Variants in XXYLT1 observed in about 807,000 individuals in gnomAD.
XXYLT1 encodes xyloside xylosyltransferase 1, also known as UDP-xylose:alpha-xyloside alpha-1,3-xylosyltransferase.
Under a neutral mutation model 28.9 loss-of-function variants are expected in XXYLT1, and 20 were observed. The observed-to-expected ratio is 0.69, with a 90% CI of 0.49 to 1.00. The LOEUF is 1.00. XXYLT1 is among the 50% of genes least tolerant of loss of function. The probability of loss-of-function intolerance (pLI) is 0.00; values close to 1 mark genes in which losing one functional copy is unlikely to be tolerated. For synonymous variants in XXYLT1, 257 were observed against 253.8 expected, an observed-to-expected ratio of 1.01 and a Z score of -0.12; for missense variants, 542 against 560.1, an observed-to-expected ratio of 0.97 and a Z score of 0.33.
intron 1 of XXYLT1, among the ~76,000 whole-genome samples, chr3:195,235,558 A>G (rs2108814883): frequency 6.6e-6 from 1 of 152,102 alleles, no homozygotes; most frequent in South Asian, 2.1e-4. Flanking sequence ...ATTTTCCTGG[A>G]TGGTCTTGAT....
At position 195,257,619 on chromosome 3, in the gene XXYLT1, G is replaced by A. The variant is rs1316602457; in HGVS notation, c.504+12936C>T. 1.3e-5 allele frequency among the ~76,000 whole-genome samples: 2 copies of A among 152,268 alleles called. No individual in the cohort carries two copies. The highest frequency in any genetic ancestry group is 3.9e-4 in the East Asian group (2 of 5,166). On this transcript the variant is annotated intron_variant, in intron 1 of 3. Coordinates refer to ENST00000310380, the MANE Select transcript of XXYLT1 (RefSeq NM_152531.5). This position sits in a 1 kb window ranked among gnomAD's most constrained non-coding sequence, Gnocchi z 4.3. ...CACCATGGCAGCCAGGTACATCCTG[G>A]CTGGGCCGGCACGGGCCCCGTAGCT...
intron 2 of XXYLT1, among the ~76,000 whole-genome samples, chr3:195,201,239 T>C (rs1055809536): frequency 6.6e-6 from 1 of 152,166 alleles, no homozygotes; most frequent in African/African-American, 2.4e-5. Context: ...ACCCACTGCC[T>C]TTTAAATCAG....
At position 195,134,858 on chromosome 3, in the gene XXYLT1, TGTGTGTGTGTGCGTGTGC is replaced by T. The variant is rs1348601042; in HGVS notation, c.785+21573_785+21590del. On this transcript the variant is annotated intron_variant, in intron 3 of 3. Coordinates refer to ENST00000310380, the MANE Select transcript of XXYLT1 (RefSeq NM_152531.5). Reference sequence around the variant, plus strand: ...GTGTGTGTGTGTGTGTGTGTGTGTGTGTGTGTGTGTGCGTGTGCGCGCGTGCGCGCACGTGCAAAGAGC... The same window carrying T: ...GTGTGTGTGTGTGTGTGTGTGTGTGTGCGCGTGCGCGCACGTGCAAAGAGC... 8.5e-3 allele frequency among the ~76,000 whole-genome samples: 1,088 copies of T among 128,148 alleles called. 8 individuals carry two copies. Among genetic ancestry groups the T allele is most frequent in the African/African-American group, 0.03 (1,000 of 33,086 alleles). 84.1% of individuals were successfully genotyped at this position (128,148 alleles called of 152,430 possible).
intron 2 of XXYLT1, among the ~76,000 whole-genome samples, chr3:195,188,974 T>C (rs996626021): frequency 2.6e-5 from 4 of 152,222 alleles, no homozygotes; most frequent in Non-Finnish European, 5.9e-5. Flanking sequence ...CTAGATTTCT[T>C]TGAGCCTCAT....
In XXYLT1 at chr3:195,271,104, C is replaced by A. The variant is rs1467849156; in HGVS notation, c.-46G>T. The A allele has an allele frequency of 3.9e-6, 5 of 1,285,914 alleles. No homozygotes were observed. In the African/African-American group the frequency reaches 7.8e-5, roughly 20 times the overall value. 79.7% of individuals were successfully genotyped at this position (1,285,914 alleles called of 1,614,324 possible). A position where few individuals can be genotyped will look rare whatever the true frequency, so the allele number is the denominator to read the frequency against. On this transcript the variant is annotated 5_prime_UTR_variant, in exon 1 of 4. Coordinates refer to ENST00000310380, the MANE Select transcript of XXYLT1 (RefSeq NM_152531.5). ...CAGCGGTGCCAGCAACGCGGGAGAGCCCTCGGGTACCCGGACGCCGGCGGC... is the reference window on the plus strand; with the variant it reads ...CAGCGGTGCCAGCAACGCGGGAGAGACCTCGGGTACCCGGACGCCGGCGGC...
rs1008222770 is a variant in XXYLT1 at position 195,168,490 on chromosome 3, G to A, written c.653-11909C>T. Reference sequence around the variant, plus strand: ...GAGGTTTTTTCACTAAATATCCTCTGCTGCCACTGCTGCAGCTGCTTCCAT... The same window carrying A: ...GAGGTTTTTTCACTAAATATCCTCTACTGCCACTGCTGCAGCTGCTTCCAT... On this transcript the variant is annotated intron_variant, in intron 2 of 3. Transcript: ENST00000310380. This position sits in a 1 kb window ranked among gnomAD's most constrained non-coding sequence, Gnocchi z 4.3. 1.3e-5 allele frequency among the ~76,000 whole-genome samples: 2 copies of A among 150,852 alleles called. No individual in the cohort carries two copies. Among genetic ancestry groups the A allele is most frequent in the South Asian group, 4.1e-4 (2 of 4,832 alleles).
In XXYLT1 at chr3:195,122,492, A is replaced by AGTAC. The variant is rs376497250; in HGVS notation, c.785+33956_785+33957insGTAC. Among the ~76,000 whole-genome samples the AGTAC allele has an allele frequency of 7.0e-3, 1,021 of 145,232 alleles. 12 individuals are homozygous for AGTAC. Among genetic ancestry groups the AGTAC allele is most frequent in the African/African-American group, 0.023 (946 of 41,150 alleles). On this transcript the variant is annotated intron_variant, in intron 3 of 3. Transcript: ENST00000310380. ...GTAGTAGTAGTACTCAGTACTCAGT[A>AGTAC]TCAGTACAGCAGCTCAGTGTCTAGC...
At chr3:195,205,590 C>T (rs559413131) in intron 2 of XXYLT1, among the ~76,000 whole-genome samples, 2 of 152,270 alleles carry the variant, frequency 1.3e-5, no homozygotes, top group South Asian at 2.1e-4. Context: ...TGGCCGGGCA[C>T]GGTAGCTCAT....
At position 195,195,139 on chromosome 3, in the gene XXYLT1, T is replaced by C. The variant is rs568923003; in HGVS notation, c.652+31570A>G. On this transcript the variant is annotated intron_variant, in intron 2 of 3. Transcript: ENST00000310380. This position sits in a 1 kb window ranked among gnomAD's most constrained non-coding sequence, Gnocchi z 4.4. ...TCTTTAAACCATAAAACAGCAGCTG[T>C]TACTACAATGGTTGTTGACGTTAAA... 6.6e-6 allele frequency among the ~76,000 whole-genome samples: 1 copy of C among 152,318 alleles called. No homozygotes were observed. The highest frequency in any genetic ancestry group is 1.9e-4 in the East Asian group (1 of 5,178).
intron 2 of XXYLT1, among the ~76,000 whole-genome samples, chr3:195,202,536 G>C (rs1722904837): frequency 6.6e-6 from 1 of 152,076 alleles, no homozygotes; most frequent in East Asian, 1.9e-4. Flanking sequence ...AGAAGACTTG[G>C]CCATAAGCTT....
intron 3 of XXYLT1, among the ~76,000 whole-genome samples, chr3:195,070,825 A>G (rs1404189050): frequency 6.6e-6 from 1 of 152,070 alleles, no homozygotes; most frequent in Non-Finnish European, 1.5e-5. Context: ...TTAGGGTGAA[A>G]GACAGCTGTA....
intron 3 of XXYLT1, among the ~76,000 whole-genome samples, chr3:195,127,541 C>T (rs80238353): frequency 7.2e-5 from 11 of 152,058 alleles, no homozygotes; most frequent in East Asian, 5.8e-4. Flanking sequence ...TTTAGGAGGC[C>T]GAGACAGGAG....
rs372089879 is a variant in XXYLT1 at position 195,226,878 on chromosome 3, C to T, written c.505-22G>A. On this transcript the variant is annotated intron_variant, in intron 1 of 3. Transcript: ENST00000310380. ...TGACCTGCAGCAGGTGCAAAAAAAA[C>T]CAAGGCTCAGCAAACCAGTTCTCAC... The T allele has an allele frequency of 1.3e-5, 21 of 1,610,484 alleles. No homozygotes were observed. In the African/African-American group the frequency reaches 2.3e-4, roughly 17 times the overall value.
chr3:195,241,481 C>A (rs966157788), intron 1 of XXYLT1, among the ~76,000 whole-genome samples: 1 of 152,134 alleles, frequency 6.6e-6, no homozygotes, highest in African/African-American at 2.4e-5. Flanking sequence ...GCAATTCCAA[C>A]AAGAACTGGA....
intron 2 of XXYLT1, chr3:195,175,557 T>C: frequency 6.5e-7 from 1 of 1,532,936 alleles, no homozygotes; most frequent in Non-Finnish European, 8.7e-7. Flanking sequence ...TAGGGGTAGT[T>C]AGGACACAGG....
chr3:195,202,982 G>C (rs1306688219), intron 2 of XXYLT1, among the ~76,000 whole-genome samples: 1 of 151,942 alleles, frequency 6.6e-6, no homozygotes, highest in African/African-American at 2.4e-5. Context: ...ATTAAAAAAA[G>C]AAATTTTGTA....
At chr3:195,079,239 A>T (rs1715293962) in intron 3 of XXYLT1, among the ~76,000 whole-genome samples, 1 of 152,196 alleles carries the variant, frequency 6.6e-6, no homozygotes, top group African/African-American at 2.4e-5. Flanking sequence ...GAGACGGGGA[A>T]GCCACACCCT....
chr3:195,112,440 ACG>A (rs755065979), intron 3 of XXYLT1, among the ~76,000 whole-genome samples: 4 of 151,354 alleles, frequency 2.6e-5, no homozygotes, highest in Non-Finnish European at 3.0e-5. Flanking sequence ...ACACACACGC[ACG>A]CACACCCACA....
chr3:195,234,506 A>G (rs1382440425), intron 1 of XXYLT1, among the ~76,000 whole-genome samples: 1 of 151,306 alleles, frequency 6.6e-6, no homozygotes, highest in Non-Finnish European at 1.5e-5. Context: ...TTTAGTAAAG[A>G]CGGGGTTTCA....
Sources: gnomAD v4.1 joint callset for allele counts (sites outside exome capture counted in the v4.1 genomes callset) on GRCh38, gnomAD v4.1.1 for gene constraint, Gnocchi (gnomAD v3.1) non-coding constraint, MANE v1.5 for transcripts, NCBI Gene and HGNC (gene_info 2026-07-23, HGNC 2026-07-21) for gene names.